Variants in PIEZO2 observed in about 807,000 individuals in gnomAD.
The protein encoded by PIEZO2 is piezo type mechanosensitive ion channel component 2.
Under a neutral mutation model 337.3 loss-of-function variants are expected in PIEZO2, and 172 were observed. That is an observed-to-expected ratio of 0.51 (90% CI 0.45 to 0.58). The LOEUF is 0.58. Ranked by LOEUF, PIEZO2 falls within the 20% of genes least tolerant of loss-of-function variation. The pLI is 0.00. For missense variants in PIEZO2, 3,028 were observed against 3,391.3 expected (o/e 0.89, Z 2.66); for synonymous variants, 1,251 against 1,228.5 (o/e 1.02, Z -0.38).
intron 13 of PIEZO2, 63 bp from the exon 14 acceptor site, chr18:10,791,387 C>A: frequency 1.4e-5 from 19 of 1,406,026 alleles, no homozygotes; most frequent in Non-Finnish European, 1.8e-5. Context: ...AAACATTCAA[C>A]AAATGTAACA....
chr18:11,039,447 T>C (rs975586397), intron 2 of PIEZO2, among the ~76,000 whole-genome samples: 2 of 152,186 alleles, frequency 1.3e-5, no homozygotes, highest in Non-Finnish European at 2.9e-5. Context: ...GTTTTTATTA[T>C]GCTCCATTTT....
chr18:11,042,171 C>T (rs1020298032), intron 2 of PIEZO2, among the ~76,000 whole-genome samples: 2 of 152,180 alleles, frequency 1.3e-5, no homozygotes, highest in African/African-American at 4.8e-5. Context: ...GAAAAGCCTG[C>T]CTCTGCCAAT....
intron 36 of PIEZO2, 55 bp downstream of exon 36, chr18:10,731,352 G>A (rs952282603): frequency 1.2e-4 from 150 of 1,237,070 alleles, no homozygotes; most frequent in Non-Finnish European, 1.6e-4. Context: ...ACAAGGCTGG[G>A]GAGCACAGCC....
At chr18:11,018,860 C>G (rs1367322046) in intron 2 of PIEZO2, among the ~76,000 whole-genome samples, 2 of 152,156 alleles carry the variant, frequency 1.3e-5, no homozygotes, top group African/African-American at 4.8e-5. Flanking sequence ...ATATCTCAAC[C>G]ACAACATGTC....
rs1052033871 is a variant in PIEZO2 at position 11,002,572 on chromosome 18, T to C, written c.161-22912A>G. Among the ~76,000 whole-genome samples, 4 of 152,230 alleles carry C rather than the reference T, an allele frequency of 2.6e-5. No individual in the cohort carries two copies. Among genetic ancestry groups the C allele is most frequent in the African/African-American group, 9.6e-5 (4 of 41,462 alleles). On this transcript the variant is annotated intron_variant, in intron 2 of 55. Coordinates refer to ENST00000674853, the MANE Select transcript of PIEZO2 (RefSeq NM_001378183.1). This position sits in a 1 kb window ranked among gnomAD's most constrained non-coding sequence, Gnocchi z 4.3. ...ACCCCACACACACTTTCACTTTCTC[T>C]AATTTCACCATTTCCAGAAGGAAAT...
chr18:10,866,309 A>G (rs1375146936), intron 5 of PIEZO2, among the ~76,000 whole-genome samples: 69 of 148,866 alleles, frequency 4.6e-4, no homozygotes, highest in Non-Finnish European at 2.7e-4. Context: ...TTTTTGAGAC[A>G]GAGTCCCACT....
intron 20 of PIEZO2, among the ~76,000 whole-genome samples, chr18:10,770,937 G>A (rs1353342181): frequency 6.6e-6 from 1 of 152,022 alleles, no homozygotes; most frequent in Non-Finnish European, 1.5e-5. Context: ...CGTCATGTTG[G>A]CCAGGCTGGT....
chr18:10,677,864 A>T lies in PIEZO2; in HGVS notation c.7964T>A (p.Leu2655Gln). ...TGTTGCTATTTCCGATTTTGCACCC[A>T]GACTTAAGTTTCTGTGAAGAAAAAA... ...FSWSIQRNLS[L>Q]GAKSEIATDK... Residue 2655 changes from leucine to glutamine, a missense_variant, in exon 53 of 56, where the codon CTG becomes CAG. Transcript: ENST00000674853. This position sits in a 1 kb window ranked among gnomAD's most constrained non-coding sequence, Gnocchi z 4.1. 6.3e-7 allele frequency: 1 copy of T among 1,581,708 alleles called. No homozygotes were observed. Among genetic ancestry groups the T allele is most frequent in the South Asian group, 1.2e-5 (1 of 85,034 alleles).
chr18:10,767,907 C>A lies in PIEZO2; in HGVS notation c.2946+2241G>T, dbSNP rs1199706431. 6.6e-6 allele frequency among the ~76,000 whole-genome samples: 1 copy of A among 152,218 alleles called. No homozygotes were observed. The highest frequency in any genetic ancestry group is 1.5e-5 in the Non-Finnish European group (1 of 68,040). On this transcript the variant is annotated intron_variant, in intron 21 of 55. Coordinates refer to ENST00000674853, the MANE Select transcript of PIEZO2 (RefSeq NM_001378183.1). The surrounding 1 kb of genome is among the most constrained non-coding windows in gnomAD (Gnocchi z 4.2). ...CTCCAGGAGGGCAAGGGCAGGTTTA[C>A]CCGCCAGTTGCCAGCCCAGAGCGTG...
At chr18:10,683,339 G>C (rs76200185) in intron 49 of PIEZO2, among the ~76,000 whole-genome samples, 15,991 of 152,274 alleles carry the variant, frequency 0.11, 1,053 homozygotes, top group East Asian at 0.18. Flanking sequence ...AGATGGTGCC[G>C]GAAATATGAG....
At chr18:11,018,211 GGTGGTGGTGGT>G (rs1343425217) in intron 2 of PIEZO2, among the ~76,000 whole-genome samples, 5 of 143,940 alleles carry the variant, frequency 3.5e-5, no homozygotes, top group Non-Finnish European at 4.6e-5. Context: ...TGGTGGTGGT[GGTGGTGGTGGT>G]GTGTGTGTGT....
intron 3 of PIEZO2, among the ~76,000 whole-genome samples, chr18:10,948,087 A>G (rs1254468418): frequency 6.6e-6 from 1 of 152,224 alleles, no homozygotes; most frequent in African/African-American, 2.4e-5. Context: ...CAATTATCAC[A>G]TTAAATGGAA....
intron 33 of PIEZO2, among the ~76,000 whole-genome samples, chr18:10,737,283 T>C (rs1346392827): frequency 1.4e-5 from 1 of 70,788 alleles, no homozygotes; most frequent in East Asian, 6.7e-4. Context: ...GGCAAGACAT[T>C]TGAAAAAAAA....
chr18:10,766,601 G>A lies in PIEZO2; in HGVS notation c.2947-3503C>T, dbSNP rs984449364. Among the ~76,000 whole-genome samples the A allele has an allele frequency of 1.3e-5, 2 of 152,112 alleles. No homozygotes were observed. The highest frequency in any genetic ancestry group is 4.8e-5 in the African/African-American group (2 of 41,408). ...GGGCCTCTGAGAACCAAAGCCTCCT[G>A]GGCCCTGCACTTACCCATCCCTGGC... On this transcript the variant is annotated intron_variant, in intron 21 of 55. Coordinates refer to ENST00000674853, the MANE Select transcript of PIEZO2 (RefSeq NM_001378183.1). This position sits in a 1 kb window ranked among gnomAD's most constrained non-coding sequence, Gnocchi z 6.1.
At chr18:10,939,523 CCCATCAAT>C (rs2032607221) in intron 3 of PIEZO2, among the ~76,000 whole-genome samples, 1 of 152,130 alleles carries the variant, frequency 6.6e-6, no homozygotes, top group African/African-American at 2.4e-5. Context: ...AACCCAAATA[CCCATCAAT>C]GATAGACTGG....
At position 11,143,141 on chromosome 18, in the gene PIEZO2, TG is replaced by T. The variant is rs2040705419; in HGVS notation, c.64+5383del. 2.6e-5 allele frequency among the ~76,000 whole-genome samples: 4 copies of T among 152,170 alleles called. No homozygotes were observed. The highest frequency in any genetic ancestry group is 2.6e-4 in the Admixed American group (4 of 15,284). On this transcript the variant is annotated intron_variant, in intron 1 of 55. Transcript: ENST00000674853. This position sits in a 1 kb window ranked among gnomAD's most constrained non-coding sequence, Gnocchi z 4.9. ...ATTTTTGTTTTTAGCCTCAGTTCAA[TG>T]GGATTTTTTTTTGACTGATTCCATG...
chr18:11,044,742 C>G (rs1383579039), intron 2 of PIEZO2, among the ~76,000 whole-genome samples: 1 of 152,126 alleles, frequency 6.6e-6, no homozygotes, highest in African/African-American at 2.4e-5. Context: ...AATTAGCGAA[C>G]ACTGAACCAT....
At position 10,982,376 on chromosome 18, in the gene PIEZO2, A is replaced by G. The variant is rs2034701063; in HGVS notation, c.161-2716T>C. Among the ~76,000 whole-genome samples, 1 of 152,192 alleles carries G rather than the reference A, an allele frequency of 6.6e-6. No homozygotes were observed. ...CCGTTCTTGACAAAATTGTAAAAAA[A>G]AAATAGAAAAACAAATAATAGGTAT... On this transcript the variant is annotated intron_variant, in intron 2 of 55. Coordinates refer to ENST00000674853, the MANE Select transcript of PIEZO2 (RefSeq NM_001378183.1). The surrounding 1 kb of genome is among the most constrained non-coding windows in gnomAD (Gnocchi z 4.1).
rs1259199312 is a variant in PIEZO2, at chr18:11,112,236, T to A, written c.64+36289A>T. ...TCAGATATTCGGATATTTGTAAAGA[T>A]AACGGTGACTTTTCAAGTTCTGAAT... On this transcript the variant is annotated intron_variant, in intron 1 of 55. Coordinates refer to ENST00000674853, the MANE Select transcript of PIEZO2 (RefSeq NM_001378183.1). The surrounding 1 kb of genome is among the most constrained non-coding windows in gnomAD (Gnocchi z 4.3). Among the ~76,000 whole-genome samples, 1 of 152,236 alleles carries A rather than the reference T, an allele frequency of 6.6e-6. No individual in the cohort carries two copies. The highest frequency in any genetic ancestry group is 2.4e-5 in the African/African-American group (1 of 41,464).
Sources: allele counts gnomAD v4.1 joint callset (sites outside exome capture counted in the v4.1 genomes callset), GRCh38; gene constraint gnomAD v4.1.1; non-coding constraint Gnocchi (gnomAD v3.1); transcripts MANE v1.5; gene names NCBI Gene and HGNC (gene_info 2026-07-23, HGNC 2026-07-21).